SUMF1: variants seen among roughly 807,000 people sequenced by gnomAD.
SUMF1 encodes the protein formylglycine-generating enzyme.
SUMF1 carries 48 observed loss-of-function variants against 47.6 expected under a neutral mutation model. The observed-to-expected ratio is 1.01, with a 90% confidence interval of 0.80 to 1.28. The LOEUF (loss-of-function observed/expected upper bound fraction) is 1.28. Ranked by LOEUF, SUMF1 falls within the 50% of genes most tolerant of loss-of-function variation. The pLI, the probability that SUMF1 is intolerant of heterozygous loss-of-function variation, is 0.00. For missense variants in SUMF1, 571 were observed against 485.4 expected (o/e 1.18, Z -1.66); for synonymous variants, 230 against 192.1 (o/e 1.20, Z -1.63).
chr3:4,360,744 T>C (rs1293699906), downstream of SUMF1, among the ~76,000 whole-genome samples: 1 of 152,220 alleles, frequency 6.6e-6, no homozygotes, highest in Non-Finnish European at 1.5e-5. Flanking sequence ...TAAACATTTC[T>C]TTCAAATGGC....
intron 3 of SUMF1, among the ~76,000 whole-genome samples, chr3:4,436,307 A>G (rs1464984761): frequency 1.3e-5 from 2 of 152,214 alleles, no homozygotes; most frequent in East Asian, 1.9e-4. Context: ...TGTTAACACT[A>G]TAATGTCAGT....
chr3:4,390,070 C>G (rs1274457744), intron 7 of SUMF1, among the ~76,000 whole-genome samples: 2 of 152,184 alleles, frequency 1.3e-5, no homozygotes, highest in East Asian at 1.9e-4. Context: ...TTAAAAGACT[C>G]TGGATCTTAT....
intron 8 of SUMF1, among the ~76,000 whole-genome samples, chr3:4,109,118 T>G (rs1693229622): frequency 6.6e-6 from 1 of 152,090 alleles, no homozygotes; most frequent in Admixed American, 6.5e-5. Context: ...AGGGCAGGCC[T>G]GGTGGTGACA....
chr3:4,219,463 A>G (rs548418649), intron 8 of SUMF1, among the ~76,000 whole-genome samples: 3 of 152,270 alleles, frequency 2.0e-5, no homozygotes, highest in Admixed American at 1.3e-4. Context: ...ATGTTTGCAC[A>G]CTCAACTCAA....
intron 8 of SUMF1, among the ~76,000 whole-genome samples, chr3:4,101,288 A>C (rs1317788419): frequency 6.6e-6 from 1 of 152,190 alleles, no homozygotes; most frequent in Non-Finnish European, 1.5e-5. Context: ...GTATATACAC[A>C]CAATGGAACC....
chr3:4,063,466 T>C (rs1011709691), intron 9 of SUMF1, among the ~76,000 whole-genome samples: 1 of 152,220 alleles, frequency 6.6e-6, no homozygotes, highest in East Asian at 1.9e-4. Context: ...GAACATGGGA[T>C]GTATGTTATA....
intron 8 of SUMF1, among the ~76,000 whole-genome samples, chr3:4,252,366 A>ACC (rs1696822481): frequency 7.1e-6 from 1 of 139,950 alleles, no homozygotes. Flanking sequence ...ACACACACAC[A>ACC]CACACACACA....
chr3:4,357,169 A>C (rs1699637413), downstream of SUMF1, among the ~76,000 whole-genome samples: 1 of 152,182 alleles, frequency 6.6e-6, no homozygotes. Flanking sequence ...TGTTGGAAGG[A>C]AGGAGGGAAG....
intron 8 of SUMF1, among the ~76,000 whole-genome samples, chr3:4,270,633 A>G (rs1468974376): frequency 1.3e-5 from 2 of 152,224 alleles, no homozygotes; most frequent in African/African-American, 4.8e-5. Context: ...AAGGTCGTCA[A>G]AAAATAGCAT....
chr3:4,362,685 G>A (rs539760177), intron 8 of SUMF1, among the ~76,000 whole-genome samples: 1 of 152,292 alleles, frequency 6.6e-6, no homozygotes, highest in East Asian at 1.9e-4. Context: ...ATTTTGGGAG[G>A]CTGAAATGGG....
At chr3:4,233,034 T>G (rs970985266) in intron 8 of SUMF1, among the ~76,000 whole-genome samples, 1 of 152,126 alleles carries the variant, frequency 6.6e-6, no homozygotes, top group Non-Finnish European at 1.5e-5. Context: ...CCTCTGGTGT[T>G]AAGTAAAGCA....
intron 7 of SUMF1, among the ~76,000 whole-genome samples, chr3:4,386,709 T>C (rs1206494030): frequency 6.6e-6 from 1 of 152,090 alleles, no homozygotes; most frequent in Non-Finnish European, 1.5e-5. Context: ...CTTGGTCTTT[T>C]ACCATTAAGT....
chr3:4,239,343 G>C (rs1046791958), intron 8 of SUMF1, among the ~76,000 whole-genome samples: 2 of 152,096 alleles, frequency 1.3e-5, no homozygotes, highest in Admixed American at 1.3e-4. Flanking sequence ...GGATAGCATT[G>C]AATCTATAGA....
chr3:4,118,990 T>C (rs931883716), intron 8 of SUMF1, among the ~76,000 whole-genome samples: 8 of 152,140 alleles, frequency 5.3e-5, no homozygotes, highest in African/African-American at 1.9e-4. Flanking sequence ...CTTTATTTGA[T>C]GTCCTACAAA....
At chr3:4,118,764 A>T (rs1693475613) in intron 8 of SUMF1, among the ~76,000 whole-genome samples, 1 of 151,990 alleles carries the variant, frequency 6.6e-6, no homozygotes, top group Non-Finnish European at 1.5e-5. Context: ...TAATTTCTAG[A>T]ATGTCACTCT....
At chr3:4,243,284 T>C (rs1196071299) in intron 8 of SUMF1, among the ~76,000 whole-genome samples, 1 of 152,214 alleles carries the variant, frequency 6.6e-6, no homozygotes, top group Admixed American at 6.5e-5. Context: ...CTGATCTTAG[T>C]TATTTCTTGC....
chr3:4,224,656 T>A (rs543717759), intron 8 of SUMF1, among the ~76,000 whole-genome samples: 63 of 152,082 alleles, frequency 4.1e-4, no homozygotes, highest in African/African-American at 1.3e-3. Flanking sequence ...CCTCTAGGCA[T>A]AGGATGAGTC....
intron 8 of SUMF1, among the ~76,000 whole-genome samples, chr3:4,179,384 C>T (rs1481280762): frequency 1.3e-5 from 2 of 152,228 alleles, no homozygotes; most frequent in African/African-American, 4.8e-5. Context: ...TACCACAACA[C>T]ATCTACAACC....
chr3:4,311,251 C>A (rs897828051), intron 8 of SUMF1, among the ~76,000 whole-genome samples: 1 of 152,114 alleles, frequency 6.6e-6, no homozygotes, highest in Non-Finnish European at 1.5e-5. Flanking sequence ...TAGCTCCACC[C>A]GAGGCCTCCA....
Sources: allele counts gnomAD v4.1 joint callset (sites outside exome capture counted in the v4.1 genomes callset), GRCh38; gene constraint gnomAD v4.1.1; transcripts MANE v1.5; gene names NCBI Gene and HGNC (gene_info 2026-07-23, HGNC 2026-07-21).